PNPLA1: variants seen among roughly 807,000 people sequenced by gnomAD.
The protein encoded by PNPLA1 is omega-hydroxyceramide transacylase.
In PNPLA1, 36 loss-of-function variants were observed where a neutral mutation model predicts 51.7. That is an observed-to-expected ratio of 0.70 (90% CI 0.53 to 0.92). The LOEUF is 0.92. Ranked by LOEUF, PNPLA1 falls within the 40% of genes least tolerant of loss-of-function variation. The probability of loss-of-function intolerance (pLI) is 0.00; values close to 1 mark genes in which losing one functional copy is unlikely to be tolerated. For synonymous variants in PNPLA1, 293 were observed against 280.1 expected, an observed-to-expected ratio of 1.05 and a Z score of -0.46; for missense variants, 658 against 682.5, an observed-to-expected ratio of 0.96 and a Z score of 0.40.
intron 2 of PNPLA1, 31 bp downstream of exon 2, chr6:36,291,583 C>CAACGG: frequency 1.9e-5 from 1 of 53,508 alleles, no homozygotes; most frequent in South Asian, 1.8e-4. Flanking sequence ...GGGAGGGACA[C>CAACGG]GGAGGGGGCG....
chr6:36,275,975 T>TCTTTCCTTCTTTCTTTCTTTCTTTCTTTC (rs757403775), intron 1 of PNPLA1, among the ~76,000 whole-genome samples: 3 of 150,738 alleles, frequency 2.0e-5, no homozygotes, highest in African/African-American at 7.4e-5. Context: ...TTTCTTTCTT[T>TCTTTCCTTCTTTCTTTCTTTCTTTCTTTC]TGAGACAGAG....
At chr6:36,273,328 C>T (rs975786729) in intron 1 of PNPLA1, among the ~76,000 whole-genome samples, 2 of 151,978 alleles carry the variant, frequency 1.3e-5, no homozygotes, top group Non-Finnish European at 2.9e-5. Context: ...CCCCTAATCC[C>T]CCACTCCCTC....
intron 6 of PNPLA1, 138 bp downstream of exon 6, chr6:36,302,607 T>C: frequency 8.4e-7 from 1 of 1,188,138 alleles, no homozygotes; most frequent in South Asian, 1.6e-5. Flanking sequence ...TCTCTGTCCA[T>C]TATGAGGACA....
In PNPLA1 at chr6:36,293,049, C is replaced by G. The variant is rs1248355949; in HGVS notation, c.439-12C>G. ...GGGCCTCCAGCATCTCAGCCCTGTT[C>G]TCTCCGCACAGGCCCTATACTGCAG... On this transcript the variant is annotated splice_polypyrimidine_tract_variant and intron_variant, in intron 2 of 8. Transcript: ENST00000636260. The G allele has an allele frequency of 1.2e-6, 2 of 1,611,844 alleles. No homozygotes were observed. The highest frequency in any genetic ancestry group is 1.7e-5 in the Admixed American group (1 of 59,760).
At chr6:36,305,900 T>C (rs977690545) in intron 6 of PNPLA1, among the ~76,000 whole-genome samples, 1 of 151,302 alleles carries the variant, frequency 6.6e-6, no homozygotes, top group African/African-American at 2.4e-5. Flanking sequence ...ATCACAGGCA[T>C]GCACTACAAC....
In PNPLA1 at chr6:36,264,308, G is replaced by A. The variant is rs116770420; in HGVS notation, c.-81+21047G>A. ...ACAACCCAAATGTCCATCAGGAAGAGAATGATACATGTTGTCCCATGGTCT... is the reference window on the plus strand; with the variant it reads ...ACAACCCAAATGTCCATCAGGAAGAAAATGATACATGTTGTCCCATGGTCT... On this transcript the variant is annotated intron_variant, in intron 1 of 7. Coordinates refer to the PNPLA1 transcript ENST00000312917. Among the ~76,000 whole-genome samples the A allele has an allele frequency of 2.3e-3, 343 of 152,332 alleles. 3 individuals carry two copies. The highest frequency in any genetic ancestry group is 7.9e-3 in the African/African-American group (328 of 41,562).
Position 36,291,405 on chromosome 6 carries a change from G to A in PNPLA1, c.291G>A (p.Val97=), listed in dbSNP as rs772803671. ...LGPLSPSCKM[V]QMMRQFLYRV... ...CCTTGTCCCCGTCCTGTAAGATGGT[G>A]CAGATGATGAGGCAGTTTCTGTACC... The change falls in exon 2 of 9, where the codon GTG becomes GTA. Residue 97 remains valine (V), a synonymous_variant. Transcript: ENST00000636260. 1.2e-6 allele frequency: 2 copies of A among 1,614,070 alleles called. No individual in the cohort carries two copies. Among genetic ancestry groups the A allele is most frequent in the Admixed American group, 3.3e-5 (2 of 60,004 alleles).
upstream of PNPLA1, among the ~76,000 whole-genome samples, chr6:36,269,029 G>A (rs73415568): frequency 3.1e-3 from 467 of 152,256 alleles, no homozygotes; most frequent in African/African-American, 0.011. Context: ...TCAACCTGAG[G>A]CAATGATATG....
At position 36,307,717 on chromosome 6, in the gene PNPLA1, G is replaced by A. The variant is rs1279519537; in HGVS notation, c.1595+5G>A. On this transcript the variant is annotated splice_donor_5th_base_variant and intron_variant, in intron 8 of 8. Coordinates refer to ENST00000636260, the MANE Select transcript of PNPLA1 (RefSeq NM_001374623.1). ...AAAACCAAGCAGCAAAGTGCAGTGA[G>A]CATGTCTAATGTTCCTTAAATCCCA... 1 of 1,613,744 alleles carries A rather than the reference G, an allele frequency of 6.2e-7. No individual in the cohort carries two copies. The highest frequency in any genetic ancestry group is 8.5e-7 in the Non-Finnish European group (1 of 1,179,752).
chr6:36,245,900 T>G (rs1769269534), intron 1 of PNPLA1, among the ~76,000 whole-genome samples: 1 of 152,218 alleles, frequency 6.6e-6, no homozygotes, highest in Non-Finnish European at 1.5e-5. Context: ...TCCCAGCGGC[T>G]GCTGAAATGC....
chr6:36,303,915 C>G (rs574230994), intron 6 of PNPLA1, among the ~76,000 whole-genome samples: 10 of 152,076 alleles, frequency 6.6e-5, no homozygotes, highest in Non-Finnish European at 1.2e-4. Flanking sequence ...GAGAATAAGA[C>G]CACTTATCTC....
chr6:36,258,655 A>T (rs1769581866), intron 1 of PNPLA1, among the ~76,000 whole-genome samples: 1 of 152,150 alleles, frequency 6.6e-6, no homozygotes, highest in Non-Finnish European at 1.5e-5. Flanking sequence ...TCTCTATCTT[A>T]TGGACCAGAA....
At chr6:36,257,766 C>T (rs944865156) in intron 1 of PNPLA1, among the ~76,000 whole-genome samples, 1 of 152,132 alleles carries the variant, frequency 6.6e-6, no homozygotes, top group Non-Finnish European at 1.5e-5. Context: ...TCCATTGATT[C>T]CTTTTTCTCT....
In PNPLA1 at chr6:36,291,572, A is replaced by AACC; in HGVS notation, c.438+20_438+21insACC. Reference sequence around the variant, plus strand: ...ATTGAGGCAAGGGGGCTGGGCTGGGAGGGAGGGACACGGAGGGGGCGGGGG... The same window carrying AACC: ...ATTGAGGCAAGGGGGCTGGGCTGGGAACCGGGAGGGACACGGAGGGGGCGGGGG... On this transcript the variant is annotated intron_variant, in intron 2 of 8. Coordinates refer to ENST00000636260, the MANE Select transcript of PNPLA1 (RefSeq NM_001374623.1). 1 of 76,690 alleles carries AACC rather than the reference A, an allele frequency of 1.3e-5. No homozygotes were observed. The highest frequency in any genetic ancestry group is 2.7e-5 in the Non-Finnish European group (1 of 36,842). 4.8% of individuals were successfully genotyped at this position (76,690 alleles called of 1,614,324 possible).
chr6:36,298,054 C>T (rs1030936374), intron 5 of PNPLA1, among the ~76,000 whole-genome samples: 1 of 152,146 alleles, frequency 6.6e-6, no homozygotes, highest in Non-Finnish European at 1.5e-5. Context: ...AATGTGAACT[C>T]TTTTTTAAAA....
At chr6:36,247,029 C>A (rs915486384) in intron 1 of PNPLA1, among the ~76,000 whole-genome samples, 2 of 152,202 alleles carry the variant, frequency 1.3e-5, no homozygotes, top group African/African-American at 4.8e-5. Flanking sequence ...CCTCCTGCCC[C>A]CTGCCTGGTG....
intron 5 of PNPLA1, among the ~76,000 whole-genome samples, chr6:36,298,960 A>G (rs1052503054): frequency 2.0e-5 from 3 of 152,094 alleles, no homozygotes; most frequent in Non-Finnish European, 2.9e-5. Context: ...GATGGTCTCG[A>G]TCTCCTCACC....
rs745515176 is a variant in PNPLA1, at chr6:36,291,537, G to A, written c.423G>A (p.Lys141=). The A allele has an allele frequency of 6.3e-7, 1 of 1,576,328 alleles. No homozygotes were observed. The highest frequency in any genetic ancestry group is 1.7e-5 in the Admixed American group (1 of 58,186). ...TGGTGGTTTCAGAGTTCACGTCCAA[G>A]GAGGAGCTCATTGAGGCAAGGGGGC... The part of the protein sequence containing the change: ...ENVVVSEFTS[K]EELIEALYCS... Residue 141 remains lysine, a synonymous_variant, in exon 2 of 9, where the codon AAG becomes AAA. Coordinates refer to ENST00000636260, the MANE Select transcript of PNPLA1 (RefSeq NM_001374623.1).
At chr6:36,272,204 A>G (rs1346656674) in intron 1 of PNPLA1, among the ~76,000 whole-genome samples, 1 of 152,230 alleles carries the variant, frequency 6.6e-6, no homozygotes, top group Admixed American at 6.5e-5. Context: ...TCCTGCAAGT[A>G]GGCAGTCCCA....
Sources: allele counts gnomAD v4.1 joint callset (sites outside exome capture counted in the v4.1 genomes callset), GRCh38; gene constraint gnomAD v4.1.1; transcripts MANE v1.5; gene names NCBI Gene and HGNC (gene_info 2026-07-23, HGNC 2026-07-21).